The following CNTN4 variants were observed in gnomAD, a reference collection of about 807,000 sequenced individuals.
CNTN4 encodes contactin 4.
In CNTN4, 77 loss-of-function variants were observed where a neutral mutation model predicts 122.5. The ratio of observed to expected loss-of-function variants is 0.63; its 90% CI spans 0.52 to 0.76. The LOEUF (loss-of-function observed/expected upper bound fraction) is 0.76, where lower values mean the gene tolerates loss of function less well. Ranked by LOEUF, CNTN4 falls within the 30% of genes least tolerant of loss-of-function variation. CNTN4 has a pLI of 0.00. For synonymous variants in CNTN4, 512 were observed against 447.0 expected, an observed-to-expected ratio of 1.15 and a Z score of -1.83; for missense variants, 1,256 against 1,259.1, an observed-to-expected ratio of 1.00 and a Z score of 0.04.
intron 4 of CNTN4, among the ~76,000 whole-genome samples, chr3:2,587,022 G>A (rs2080234007): frequency 6.6e-6 from 1 of 152,006 alleles, no homozygotes. Context: ...CTTCAAACAT[G>A]CCTTCAAACC....
intron 10 of CNTN4, among the ~76,000 whole-genome samples, chr3:2,888,343 A>G (rs1304560662): frequency 5.3e-5 from 8 of 152,186 alleles, no homozygotes; most frequent in Admixed American, 5.2e-4. Context: ...CTAAGGGCTA[A>G]ACACAATCTA....
At chr3:2,224,099 C>G (rs565004863) in intron 2 of CNTN4, among the ~76,000 whole-genome samples, 1 of 152,140 alleles carries the variant, frequency 6.6e-6, no homozygotes, top group Admixed American at 6.5e-5. Context: ...ACGTAGATTT[C>G]TTTTATAGAT....
At chr3:2,689,171 C>T (rs1400291091) in intron 4 of CNTN4, among the ~76,000 whole-genome samples, 3 of 152,260 alleles carry the variant, frequency 2.0e-5, no homozygotes, top group Non-Finnish European at 2.9e-5. Flanking sequence ...ACGGAAGTTG[C>T]TTTGCTATTC....
At chr3:2,505,323 C>A (rs2076703908) in intron 3 of CNTN4, among the ~76,000 whole-genome samples, 1 of 152,024 alleles carries the variant, frequency 6.6e-6, no homozygotes, top group Non-Finnish European at 1.5e-5. Context: ...GGTTCTAGGT[C>A]AAAGGCATAT....
chr3:2,548,111 C>T (rs1056518323), intron 3 of CNTN4, among the ~76,000 whole-genome samples: 1 of 152,110 alleles, frequency 6.6e-6, no homozygotes, highest in Non-Finnish European at 1.5e-5. Flanking sequence ...AAAATTTTCT[C>T]CCATTCTGTA....
intron 3 of CNTN4, among the ~76,000 whole-genome samples, chr3:2,461,352 A>C (rs192484046): frequency 0.021 from 3,136 of 152,216 alleles, 122 homozygotes; most frequent in African/African-American, 0.071. Context: ...TTAATTAATT[A>C]GTTAACATTA....
At chr3:2,735,666 G>A (rs1323072711) in intron 4 of CNTN4, among the ~76,000 whole-genome samples, 1 of 152,174 alleles carries the variant, frequency 6.6e-6, no homozygotes, top group African/African-American at 2.4e-5. Flanking sequence ...TGCAGATAAT[G>A]TGAGAATAAA....
intron 13 of CNTN4, among the ~76,000 whole-genome samples, chr3:2,939,107 A>ACC (rs746391370): frequency 1.6e-4 from 24 of 152,064 alleles, no homozygotes; most frequent in Non-Finnish European, 3.2e-4. Flanking sequence ...ACTAAGTTTG[A>ACC]CCCCTATATT....
At chr3:2,692,490 T>C (rs1415145371) in intron 4 of CNTN4, among the ~76,000 whole-genome samples, 1 of 152,206 alleles carries the variant, frequency 6.6e-6, no homozygotes, top group Non-Finnish European at 1.5e-5. Context: ...GGATCTTTTC[T>C]ATTTTTCCTT....
intron 2 of CNTN4, 114 bp downstream of exon 2, chr3:2,100,753 G>A (rs1474742107): frequency 1.3e-5 from 2 of 152,170 alleles, no homozygotes; most frequent in Non-Finnish European, 2.9e-5. Context: ...AGTTTCATGA[G>A]AATATTATTT....
chr3:2,927,500 G>T, intron 13 of CNTN4: 1 of 301,966 alleles, frequency 3.3e-6, no homozygotes, highest in South Asian at 3.1e-5. Context: ...ACTCAGCAGG[G>T]AAATATAATC....
intron 2 of CNTN4, among the ~76,000 whole-genome samples, chr3:2,181,126 C>T (rs1455577110): frequency 1.3e-5 from 2 of 151,974 alleles, no homozygotes; most frequent in Non-Finnish European, 2.9e-5. Flanking sequence ...TTTATGACTC[C>T]AGCATGACCT....
intron 12 of CNTN4, among the ~76,000 whole-genome samples, chr3:2,905,598 A>G (rs1480666138): frequency 6.6e-6 from 1 of 152,220 alleles, no homozygotes; most frequent in Admixed American, 6.5e-5. Flanking sequence ...GGAATTTTGG[A>G]GGGACACAAA....
chr3:2,683,913 G>A (rs2085296763), intron 4 of CNTN4, among the ~76,000 whole-genome samples: 1 of 152,092 alleles, frequency 6.6e-6, no homozygotes, highest in Non-Finnish European at 1.5e-5. Flanking sequence ...AGTCTCTGGG[G>A]ACAGGTCCCA....
chr3:2,987,885 A>G (rs994128779), intron 13 of CNTN4, among the ~76,000 whole-genome samples: 3 of 152,204 alleles, frequency 2.0e-5, no homozygotes, highest in Admixed American at 2.0e-4. Flanking sequence ...TCAGAAATAA[A>G]TATGCTTAAT....
chr3:2,385,291 C>G lies in CNTN4; in HGVS notation c.-89+46058C>G, dbSNP rs958497063. Among the ~76,000 whole-genome samples the G allele has an allele frequency of 3.3e-5, 5 of 151,260 alleles. No individual in the cohort carries two copies. The highest frequency in any genetic ancestry group is 7.4e-5 in the Non-Finnish European group (5 of 67,946). ...TTATTTCTACAGTAATATCAAATCA[C>G]TTAAAACTCTCCCAACAAACAATAC... On this transcript the variant is annotated intron_variant, in intron 3 of 24. Transcript: ENST00000418658. This position sits in a 1 kb window ranked among gnomAD's most constrained non-coding sequence, Gnocchi z 4.0.
chr3:2,780,776 T>G (rs1200682349), intron 6 of CNTN4, among the ~76,000 whole-genome samples: 3 of 152,210 alleles, frequency 2.0e-5, no homozygotes, highest in Non-Finnish European at 2.9e-5. Flanking sequence ...CTTTAATATC[T>G]ATAATAATAC....
At chr3:2,384,246 C>T (rs1476367599) in intron 3 of CNTN4, among the ~76,000 whole-genome samples, 2 of 151,924 alleles carry the variant, frequency 1.3e-5, no homozygotes, top group South Asian at 2.1e-4. Context: ...AAACGTAGGC[C>T]CTGGTGTACT....
chr3:2,613,376 G>A (rs987503693), intron 4 of CNTN4, among the ~76,000 whole-genome samples: 6 of 151,984 alleles, frequency 3.9e-5, no homozygotes, highest in Non-Finnish European at 8.8e-5. Flanking sequence ...TTCAACCATA[G>A]ACTTGTGGAT....
Sources: gnomAD v4.1 joint callset for allele counts (sites outside exome capture counted in the v4.1 genomes callset) on GRCh38, gnomAD v4.1.1 for gene constraint, Gnocchi (gnomAD v3.1) non-coding constraint, MANE v1.5 for transcripts, NCBI Gene and HGNC (gene_info 2026-07-23, HGNC 2026-07-21) for gene names.